The following STXBP5L variants were observed in gnomAD, a reference collection of about 807,000 sequenced individuals.
STXBP5L encodes syntaxin-binding protein 5-like.
Under a neutral mutation model 144.5 loss-of-function variants are expected in STXBP5L, and 65 were observed. The ratio of observed to expected loss-of-function variants is 0.45; its 90% CI spans 0.37 to 0.55. The LOEUF (loss-of-function observed/expected upper bound fraction) is 0.55. STXBP5L is among the 20% of genes least tolerant of loss of function. The probability of loss-of-function intolerance (pLI) is 0.00; values close to 1 mark genes in which losing one functional copy is unlikely to be tolerated. For missense variants in STXBP5L, 1,298 were observed against 1,405.5 expected, an observed-to-expected ratio of 0.92 and a Z score of 1.22; for synonymous variants, 505 against 469.6, an observed-to-expected ratio of 1.08 and a Z score of -0.97.
At chr3:121,207,919 G>C (rs747255896) in intron 10 of STXBP5L, among the ~76,000 whole-genome samples, 41 of 152,188 alleles carry the variant, frequency 2.7e-4, no homozygotes, top group Non-Finnish European at 5.1e-4. Flanking sequence ...GTGGAAGACA[G>C]TGTGGCGATT....
chr3:121,363,172 A>G (rs1274698469), intron 20 of STXBP5L, among the ~76,000 whole-genome samples: 1 of 152,060 alleles, frequency 6.6e-6, no homozygotes. Flanking sequence ...AGGGGTCTCT[A>G]TTGGAGCCAT....
chr3:121,073,476 G>A (rs1003288222), intron 5 of STXBP5L, among the ~76,000 whole-genome samples: 1 of 152,134 alleles, frequency 6.6e-6, no homozygotes, highest in South Asian at 2.1e-4. Flanking sequence ...TTGAAACAGG[G>A]TGGCCATCCC....
At chr3:121,182,321 A>G (rs2047190713) in intron 9 of STXBP5L, among the ~76,000 whole-genome samples, 1 of 152,220 alleles carries the variant, frequency 6.6e-6, no homozygotes, top group Non-Finnish European at 1.5e-5. Context: ...TATAAAGTAT[A>G]GTCTTAGACT....
At chr3:121,181,571 T>C (rs928549252) in intron 9 of STXBP5L, among the ~76,000 whole-genome samples, 3 of 152,012 alleles carry the variant, frequency 2.0e-5, no homozygotes, top group African/African-American at 7.2e-5. Flanking sequence ...CCTTCTCTAC[T>C]AAAAATGCAA....
At chr3:121,049,309 G>C (rs1166058602) in intron 5 of STXBP5L, among the ~76,000 whole-genome samples, 1 of 152,158 alleles carries the variant, frequency 6.6e-6, no homozygotes, top group African/African-American at 2.4e-5. Context: ...TGAGAGCTCT[G>C]TCCCAGGGAA....
chr3:121,098,896 T>G (rs1361260900), intron 5 of STXBP5L, among the ~76,000 whole-genome samples: 2 of 152,102 alleles, frequency 1.3e-5, no homozygotes, highest in Non-Finnish European at 2.9e-5. Flanking sequence ...AAGAAAATAA[T>G]TTTCTCCATT....
intron 5 of STXBP5L, among the ~76,000 whole-genome samples, chr3:121,073,522 C>T (rs1011503459): frequency 2.0e-5 from 3 of 152,184 alleles, no homozygotes; most frequent in African/African-American, 7.2e-5. Flanking sequence ...AGAAATATGC[C>T]GTGGGCCAGT....
intron 20 of STXBP5L, among the ~76,000 whole-genome samples, chr3:121,372,628 G>T (rs1333401026): frequency 6.6e-6 from 1 of 152,042 alleles, no homozygotes. Flanking sequence ...CCCAATGCAG[G>T]TTTCCCAGCT....
chr3:121,159,681 C>G (rs1254875658), intron 9 of STXBP5L, among the ~76,000 whole-genome samples: 4 of 144,990 alleles, frequency 2.8e-5, no homozygotes, highest in Admixed American at 7.0e-5. Context: ...CCAGGCTGGA[C>G]TGCAGTGGCG....
chr3:121,392,582 T>A (rs372660903), intron 22 of STXBP5L, among the ~76,000 whole-genome samples: 37 of 151,920 alleles, frequency 2.4e-4, no homozygotes, highest in African/African-American at 9.0e-4. Flanking sequence ...TTGAAAGGAA[T>A]CCTTGGCATT....
chr3:121,384,579 G>A (rs902975102), intron 22 of STXBP5L, among the ~76,000 whole-genome samples: 9 of 152,004 alleles, frequency 5.9e-5, no homozygotes, highest in African/African-American at 2.2e-4. Flanking sequence ...TGGCATAGCT[G>A]GAGACTGTAG....
intron 5 of STXBP5L, among the ~76,000 whole-genome samples, chr3:121,081,126 C>G (rs933934508): frequency 1.3e-5 from 2 of 151,548 alleles, no homozygotes; most frequent in African/African-American, 2.4e-5. Flanking sequence ...ATTCTTTCTT[C>G]TACTTGTTCT....
chr3:121,360,770 T>C (rs1272362451), intron 20 of STXBP5L, among the ~76,000 whole-genome samples: 6 of 152,204 alleles, frequency 3.9e-5, no homozygotes, highest in Admixed American at 2.6e-4. Context: ...TTGTAGTTAT[T>C]ATTTTTTATT....
chr3:121,061,689 T>C (rs931865440), intron 5 of STXBP5L, among the ~76,000 whole-genome samples: 1 of 152,256 alleles, frequency 6.6e-6, no homozygotes, highest in Non-Finnish European at 1.5e-5. Flanking sequence ...TAGTTAGCTC[T>C]TCTTGTTGCA....
Position 121,044,981 on chromosome 3 carries a change from G to A in STXBP5L, c.370-454G>A, listed in dbSNP as rs150589683. ...AATATACTTTTTAGGAAGAATATAC[G>A]CTTTCCAAATATACAGAAAATTCTT... On this transcript the variant is annotated intron_variant, in intron 4 of 26. Coordinates refer to ENST00000471454, the MANE Select transcript of STXBP5L (RefSeq NM_001308330.2). Among the ~76,000 whole-genome samples, 699 of 152,070 alleles carry A rather than the reference G, an allele frequency of 4.6e-3. 4 individuals are homozygous for A. The highest frequency in any genetic ancestry group is 0.016 in the African/African-American group (660 of 41,498).
chr3:121,009,535 C>G (rs190230248), intron 3 of STXBP5L, among the ~76,000 whole-genome samples: 3 of 152,102 alleles, frequency 2.0e-5, no homozygotes, highest in Non-Finnish European at 2.9e-5. Context: ...TCATTTATTA[C>G]TGTACCACCT....
chr3:121,403,868 A>G (rs2046939058), intron 22 of STXBP5L, among the ~76,000 whole-genome samples: 1 of 152,118 alleles, frequency 6.6e-6, no homozygotes, highest in Non-Finnish European at 1.5e-5. Flanking sequence ...CCTTCTAGCT[A>G]TTCCTTCTCA....
At chr3:121,409,836 A>G (rs1409298270) in intron 23 of STXBP5L, among the ~76,000 whole-genome samples, 2 of 151,878 alleles carry the variant, frequency 1.3e-5, no homozygotes, top group African/African-American at 4.8e-5. Flanking sequence ...ATTTACTATC[A>G]TAAATATTTA....
At chr3:120,985,234 G>A (rs909699738) in intron 3 of STXBP5L, among the ~76,000 whole-genome samples, 1 of 151,912 alleles carries the variant, frequency 6.6e-6, no homozygotes, top group Non-Finnish European at 1.5e-5. Flanking sequence ...GAGAAGGATT[G>A]GTTTTAATCC....
Sources: allele counts gnomAD v4.1 joint callset (sites outside exome capture counted in the v4.1 genomes callset), GRCh38; gene constraint gnomAD v4.1.1; transcripts MANE v1.5; gene names NCBI Gene and HGNC (gene_info 2026-07-23, HGNC 2026-07-21).